Variants in KLRF1 observed in about 807,000 individuals in gnomAD.
The protein encoded by KLRF1 is killer cell lectin-like receptor subfamily F member 1.
Under a neutral mutation model 30.7 loss-of-function variants are expected in KLRF1, and 27 were observed. The observed-to-expected ratio is 0.88, with a 90% CI of 0.65 to 1.21. The LOEUF is 1.21. KLRF1 is among the 50% of genes most tolerant of loss of function. The pLI is 0.00. For synonymous variants in KLRF1, 92 were observed against 89.3 expected (o/e 1.03, Z -0.17); for missense variants, 246 against 259.3 (o/e 0.95, Z 0.35).
chr12:9,827,668 T>A, intron 1 of KLRF1, 39 bp downstream of exon 1: 1 of 1,182,756 alleles, frequency 8.5e-7, no homozygotes, highest in Non-Finnish European at 1.3e-6. Context: ...TGGTGTGAAT[T>A]AACATGGTAG....
the KLRF1 span, among the ~76,000 whole-genome samples, chr12:9,802,416 A>G: frequency 6.6e-6 from 1 of 152,082 alleles, no homozygotes; most frequent in Non-Finnish European, 1.5e-5. Flanking sequence ...ATTCACTTTG[A>G]AAACCGGCAC....
upstream of KLRF1, among the ~76,000 whole-genome samples, chr12:9,822,978 A>C (rs1442491871): frequency 6.6e-6 from 1 of 152,304 alleles, no homozygotes; most frequent in Non-Finnish European, 1.5e-5. Context: ...GCAAGTTCTT[A>C]GCTACAAAGA....
At chr12:9,804,848 G>C in the KLRF1 span, among the ~76,000 whole-genome samples, 1 of 152,018 alleles carries the variant, frequency 6.6e-6, no homozygotes, top group Admixed American at 6.6e-5. Flanking sequence ...GCATAGAAGA[G>C]TGTTTTTATA....
At chr12:9,811,319 C>CAAAAAAAAAAAAAAAAAAAAA in the KLRF1 span, among the ~76,000 whole-genome samples, 3 of 62,150 alleles carry the variant, frequency 4.8e-5, no homozygotes, top group Non-Finnish European at 9.0e-5. Context: ...AGAAGTAGTC[C>CAAAAAAAAAAAAAAAAAAAAA]AAAAAAAAAA....
At chr12:9,832,671 G>A (rs1252773664) in intron 2 of KLRF1, among the ~76,000 whole-genome samples, 4 of 151,776 alleles carry the variant, frequency 2.6e-5, no homozygotes, top group East Asian at 1.9e-4. Context: ...GTGTGTGTGT[G>A]TGTGTGTGTG....
At chr12:9,822,334 CTAG>C in the KLRF1 span, among the ~76,000 whole-genome samples, 1 of 152,154 alleles carries the variant, frequency 6.6e-6, no homozygotes, top group African/African-American at 2.4e-5. Flanking sequence ...AACTGATCTG[CTAG>C]AGCTGGAAAA....
upstream of KLRF1, among the ~76,000 whole-genome samples, chr12:9,826,501 T>A (rs117357787): frequency 6.7e-3 from 1,012 of 152,150 alleles, 25 homozygotes; most frequent in Admixed American, 0.038. Flanking sequence ...AACCAGAAAT[T>A]TGACCCAGCA....
the KLRF1 span, among the ~76,000 whole-genome samples, chr12:9,814,528 C>T: frequency 6.6e-6 from 1 of 152,216 alleles, no homozygotes; most frequent in African/African-American, 2.4e-5. Flanking sequence ...ATGGCCCTGT[C>T]CCACCCGTAG....
chr12:9,844,348 A>G, intron 5 of KLRF1, 70 bp from the exon 6 acceptor site: 2 of 784,000 alleles, frequency 2.6e-6, no homozygotes, highest in Non-Finnish European at 4.4e-6. Flanking sequence ...AAAAGAGGAT[A>G]TTAGCAGAAG....
At chr12:9,833,589 GATTTAGGTATC>G in intron 3 of KLRF1, 137 bp downstream of exon 3, 1 of 643,698 alleles carries the variant, frequency 1.6e-6, no homozygotes, top group South Asian at 4.6e-5. Context: ...TTCAAAACTC[GATTTAGGTATC>G]TTTAAACTTG....
the KLRF1 span, among the ~76,000 whole-genome samples, chr12:9,805,591 C>T: frequency 6.6e-6 from 1 of 151,962 alleles, no homozygotes; most frequent in East Asian, 1.9e-4. Flanking sequence ...AGAGTTTGTG[C>T]AAGATTTGTA....
At chr12:9,807,849 T>A in the KLRF1 span, among the ~76,000 whole-genome samples, 1 of 152,100 alleles carries the variant, frequency 6.6e-6, no homozygotes, top group Non-Finnish European at 1.5e-5. Context: ...ACAGAGTTTT[T>A]AAATTTTTAA....
intron 3 of KLRF1, among the ~76,000 whole-genome samples, chr12:9,834,422 G>C (rs115102930): frequency 2.0e-5 from 3 of 152,024 alleles, no homozygotes; most frequent in Non-Finnish European, 4.4e-5. Context: ...TTGGGTGCGG[G>C]GGGTAGCATG....
chr12:9,832,300 G>A lies in KLRF1; in HGVS notation c.86-16G>A, dbSNP rs1286899906. On this transcript the variant is annotated splice_polypyrimidine_tract_variant and intron_variant, in intron 1 of 5. Transcript: ENST00000617889. ...AGCATACTTTTCTAAACTAATTCATGTGATTAATGTCTCAGATTATTCAGT... is the reference window on the plus strand; with the variant it reads ...AGCATACTTTTCTAAACTAATTCATATGATTAATGTCTCAGATTATTCAGT... 7.2e-7 allele frequency: 1 copy of A among 1,387,174 alleles called. No individual in the cohort carries two copies. The highest frequency in any genetic ancestry group is 1.7e-5 in the Admixed American group (1 of 58,688). 85.9% of individuals were successfully genotyped at this position (1,387,174 alleles called of 1,614,324 possible). A position where few individuals can be genotyped will look rare whatever the true frequency, so the allele number is the denominator to read the frequency against.
chr12:9,807,709 A>G, the KLRF1 span, among the ~76,000 whole-genome samples: 3 of 152,026 alleles, frequency 2.0e-5, no homozygotes, highest in South Asian at 6.2e-4. Flanking sequence ...ATTTTTTAGT[A>G]TTTCTTACAA....
the KLRF1 span, among the ~76,000 whole-genome samples, chr12:9,818,870 A>G: frequency 6.6e-6 from 1 of 152,222 alleles, no homozygotes. Flanking sequence ...CAGGAGAAAT[A>G]GAAGGGGCTA....
chr12:9,838,670 T>G (rs1257027730), intron 3 of KLRF1, among the ~76,000 whole-genome samples: 1 of 152,148 alleles, frequency 6.6e-6, no homozygotes, highest in Non-Finnish European at 1.5e-5. Flanking sequence ...AATTCTATTT[T>G]TTACCATGTT....
chr12:9,822,197 G>A, the KLRF1 span, among the ~76,000 whole-genome samples: 41 of 152,196 alleles, frequency 2.7e-4, no homozygotes, highest in African/African-American at 9.4e-4. Flanking sequence ...ATAGAATTCC[G>A]AATATGGATA....
At chr12:9,834,618 T>C (rs1295168474) in intron 3 of KLRF1, among the ~76,000 whole-genome samples, 4 of 151,846 alleles carry the variant, frequency 2.6e-5, no homozygotes, top group Non-Finnish European at 4.4e-5. Flanking sequence ...TTTGGATGAA[T>C]TGAGAAACTA....
Sources: allele counts gnomAD v4.1 joint callset (sites outside exome capture counted in the v4.1 genomes callset), GRCh38; gene constraint gnomAD v4.1.1; transcripts MANE v1.5; gene names NCBI Gene and HGNC (gene_info 2026-07-23, HGNC 2026-07-21).